Variants in ZNF600 observed in about 807,000 individuals in gnomAD.
ZNF600 encodes the protein zinc finger protein KR-ZNF1.
In ZNF600, 4 loss-of-function variants were observed where a neutral mutation model predicts 7.3. That is an observed-to-expected ratio of 0.55 (90% CI 0.27 to 1.25). ZNF600 has a LOEUF of 1.25. Ranked by LOEUF, ZNF600 falls within the 50% of genes most tolerant of loss-of-function variation. The pLI is 0.12. For synonymous variants in ZNF600, 290 were observed against 308.9 expected, an observed-to-expected ratio of 0.94 and a Z score of 0.64; for missense variants, 911 against 922.1, an observed-to-expected ratio of 0.99 and a Z score of 0.16.
the ZNF600 span, among the ~76,000 whole-genome samples, chr19:52,804,070 C>T: frequency 1.3e-5 from 2 of 152,118 alleles, no homozygotes; most frequent in Non-Finnish European, 1.5e-5. Flanking sequence ...GCATGGGTGT[C>T]GACTACTCAT....
the ZNF600 span, among the ~76,000 whole-genome samples, chr19:52,792,309 A>C: frequency 2.7e-3 from 405 of 152,258 alleles, 3 homozygotes; most frequent in African/African-American, 8.6e-3. Context: ...CACTAAGCAA[A>C]AAGGAAAAGT....
At chr19:52,777,630 G>C (rs995615533) in intron 2 of ZNF600, among the ~76,000 whole-genome samples, 2 of 152,126 alleles carry the variant, frequency 1.3e-5, no homozygotes, top group African/African-American at 4.8e-5. Flanking sequence ...AGGAGTTCGA[G>C]ACCAGCCTAA....
chr19:52,831,664 A>G, the ZNF600 span, among the ~76,000 whole-genome samples: 4 of 152,002 alleles, frequency 2.6e-5, no homozygotes, highest in South Asian at 2.1e-4. Flanking sequence ...CACCACGCCC[A>G]GCTAATTTTT....
At chr19:52,781,443 A>G (rs1393185346) in intron 1 of ZNF600, 2 of 152,272 alleles carry the variant, frequency 1.3e-5, no homozygotes, top group East Asian at 1.9e-4. Flanking sequence ...GGAAGGCCCA[A>G]TAGGCTGCCT....
the ZNF600 span, among the ~76,000 whole-genome samples, chr19:52,812,465 T>C: frequency 5.3e-4 from 65 of 122,710 alleles, no homozygotes; most frequent in Middle Eastern, 3.9e-3. Flanking sequence ...TGTGACCTTA[T>C]CCCCAACCCT....
At chr19:52,775,533 A>G (rs950324393) in intron 2 of ZNF600, among the ~76,000 whole-genome samples, 2 of 152,144 alleles carry the variant, frequency 1.3e-5, no homozygotes, top group African/African-American at 4.8e-5. Flanking sequence ...CTGGCAACAG[A>G]GCAAGACTCC....
the ZNF600 span, chr19:52,808,179 T>C: frequency 6.2e-7 from 1 of 1,604,908 alleles, no homozygotes; most frequent in East Asian, 2.2e-5. Flanking sequence ...GTGGAGTTCT[T>C]ATCTTTACAG....
chr19:52,807,804 C>G, the ZNF600 span: 6 of 930,434 alleles, frequency 6.4e-6, no homozygotes, highest in African/African-American at 6.7e-5. Flanking sequence ...TACTTTACTT[C>G]TGGAAGCTCC....
chr19:52,768,189 T>C (rs1187853752), intron 3 of ZNF600, among the ~76,000 whole-genome samples: 1 of 151,820 alleles, frequency 6.6e-6, no homozygotes, highest in African/African-American at 2.4e-5. Context: ...CAATATACTA[T>C]ATTGGTAAAT....
At chr19:52,792,971 C>G in the ZNF600 span, among the ~76,000 whole-genome samples, 1 of 151,744 alleles carries the variant, frequency 6.6e-6, no homozygotes, top group Non-Finnish European at 1.5e-5. Flanking sequence ...CTCCTGACCT[C>G]GTGATCCACC....
chr19:52,827,245 A>G, the ZNF600 span, among the ~76,000 whole-genome samples: 1 of 104,734 alleles, frequency 9.5e-6, no homozygotes, highest in Non-Finnish European at 2.2e-5. Flanking sequence ...CCTGTCTCTA[A>G]AAACAAAAAA....
chr19:52,817,136 G>A, the ZNF600 span, among the ~76,000 whole-genome samples: 1 of 152,160 alleles, frequency 6.6e-6, no homozygotes, highest in Non-Finnish European at 1.5e-5. Flanking sequence ...ACTTTAGGAA[G>A]CCAAAGTAGG....
intron 1 of ZNF600, among the ~76,000 whole-genome samples, chr19:52,783,068 A>C (rs957125337): frequency 1.4e-5 from 2 of 140,154 alleles, no homozygotes; most frequent in African/African-American, 4.9e-5. Flanking sequence ...CCATCCATGA[A>C]AAGGGAAGAG....
In ZNF600 at chr19:52,774,557, G is replaced by T. The variant is rs2062657386; in HGVS notation, c.190+18C>A. 1.0e-6 allele frequency: 1 copy of T among 984,810 alleles called. No individual in the cohort carries two copies. The highest frequency in any genetic ancestry group is 1.2e-6 in the Non-Finnish European group (1 of 829,882). The allele number at this position is 984,810 out of a possible 1,614,324, so 61.0% of individuals were successfully genotyped here. A position where few individuals can be genotyped will look rare whatever the true frequency, so the allele number is the denominator to read the frequency against. The stretch of plus-strand genomic sequence containing the variant: ...CAAGAGCAGACTCCTCATGTCTGGG[G>T]GACATCATTTTCCTCACCCACAGCT... On this transcript the variant is annotated intron_variant, in intron 3 of 3. Transcript: ENST00000648973.
the ZNF600 span, among the ~76,000 whole-genome samples, chr19:52,813,541 G>A: frequency 4.4e-4 from 64 of 144,916 alleles, 5 homozygotes; most frequent in Non-Finnish European, 8.8e-4. Context: ...TGTTCGGCTT[G>A]TCACCTTCCC....
chr19:52,788,097 A>C (rs915938973), upstream of ZNF600, among the ~76,000 whole-genome samples: 2 of 151,166 alleles, frequency 1.3e-5, no homozygotes, highest in African/African-American at 4.8e-5. Context: ...ATCTCCATCC[A>C]TCTCTGGTGT....
At chr19:52,825,116 A>G in the ZNF600 span, among the ~76,000 whole-genome samples, 11 of 152,172 alleles carry the variant, frequency 7.2e-5, no homozygotes, top group African/African-American at 2.6e-4. Context: ...TCCCAGATCT[A>G]AGAAATGAGG....
intron 1 of ZNF600, among the ~76,000 whole-genome samples, chr19:52,783,575 A>C (rs2062740927): frequency 6.6e-6 from 1 of 152,028 alleles, no homozygotes; most frequent in South Asian, 2.1e-4. Flanking sequence ...GTTAGCCAGG[A>C]CGGTCTCAAT....
At chr19:52,820,323 T>C in the ZNF600 span, among the ~76,000 whole-genome samples, 1 of 135,070 alleles carries the variant, frequency 7.4e-6, no homozygotes, top group Admixed American at 7.5e-5. Context: ...TTCACCTTGT[T>C]AGCCAGGATG....
Sources: allele counts gnomAD v4.1 joint callset (sites outside exome capture counted in the v4.1 genomes callset), GRCh38; gene constraint gnomAD v4.1.1; transcripts MANE v1.5; gene names NCBI Gene and HGNC (gene_info 2026-07-23, HGNC 2026-07-21).